INPP5B: variants seen among roughly 807,000 people sequenced by gnomAD.
INPP5B encodes the protein type II inositol 1,4,5-trisphosphate 5-phosphatase.
INPP5B carries 90 observed loss-of-function variants against 118.5 expected under a neutral mutation model. The ratio of observed to expected loss-of-function variants is 0.76; its 90% CI spans 0.64 to 0.90. The LOEUF (loss-of-function observed/expected upper bound fraction) is 0.90. Ranked by LOEUF, INPP5B falls within the 40% of genes least tolerant of loss-of-function variation. The pLI, the probability that INPP5B is intolerant of heterozygous loss-of-function variation, is 0.00. For missense variants in INPP5B, 984 were observed against 1,125.6 expected (o/e 0.87, Z 1.80); for synonymous variants, 385 against 418.9 (o/e 0.92, Z 0.99).
At chr1:37,888,376 G>T in intron 9 of INPP5B, 32 bp from the exon 10 acceptor site, 1 of 1,355,242 alleles carries the variant, frequency 7.4e-7, no homozygotes, top group Non-Finnish European at 1.0e-6. Context: ...TAGTGACTCC[G>T]AATCACTATG....
intron 6 of INPP5B, 107 bp from the exon 7 acceptor site, chr1:37,932,160 AGGGT>A: frequency 7.9e-7 from 1 of 1,262,162 alleles, no homozygotes; most frequent in Non-Finnish European, 1.1e-6. Context: ...CGCGCACAGA[AGGGT>A]TCTGTGCGCA....
Position 37,880,177 on chromosome 1 carries a change from G to A in INPP5B, c.1449C>T (p.Ala483=), listed in dbSNP as rs373766336. The A allele has an allele frequency of 2.8e-4, 453 of 1,604,082 alleles. 6 individuals are homozygous for A. In the South Asian group the frequency reaches 3.9e-3, roughly 14 times the overall value. The change falls in exon 15 of 24, where the codon GCC becomes GCT. Residue 483 remains alanine (A), a synonymous_variant. Coordinates refer to ENST00000373024, the MANE Select transcript of INPP5B (RefSeq NM_005540.3). Reference sequence around the variant, plus strand: ...TGAAGCCTTCAAAGACAGTCTTTGCGGCCACCTGAATTTTCAGCTATACAA... The same window carrying A: ...TGAAGCCTTCAAAGACAGTCTTTGCAGCCACCTGAATTTTCAGCTATACAA... ...YAYDQLKIQV[A]AKTVFEGFTE...
At chr1:37,891,729 G>C (rs180671684) in intron 7 of INPP5B, among the ~76,000 whole-genome samples, 1 of 151,934 alleles carries the variant, frequency 6.6e-6, no homozygotes, top group Admixed American at 6.6e-5. Context: ...AGCCAAGATC[G>C]TGCCGTTGCA....
At chr1:37,873,354 G>A (rs1010567605) in intron 18 of INPP5B, 189 bp from the exon 19 acceptor site, 1 of 588,700 alleles carries the variant, frequency 1.7e-6, no homozygotes, top group South Asian at 2.0e-5. Flanking sequence ...TAGTCCAACT[G>A]GGAATATGAA....
intron 7 of INPP5B, among the ~76,000 whole-genome samples, chr1:37,927,163 T>C (rs962049764): frequency 1.3e-5 from 2 of 151,898 alleles, no homozygotes; most frequent in African/African-American, 4.8e-5. Context: ...GGCGTGCAGG[T>C]GCATGTATGT....
intron 6 of INPP5B, among the ~76,000 whole-genome samples, chr1:37,936,821 C>A (rs1341233421): frequency 6.6e-6 from 1 of 151,174 alleles, no homozygotes; most frequent in African/African-American, 2.4e-5. Context: ...CCCGTCTAGG[C>A]CTTCCAAACT....
intron 23 of INPP5B, 131 bp from the exon 24 acceptor site, chr1:37,862,561 C>T (rs1166110590): frequency 1.7e-5 from 11 of 662,156 alleles, no homozygotes; most frequent in African/African-American, 5.4e-5. Flanking sequence ...AACATCATAG[C>T]GTGTACTTAA....
intron 7 of INPP5B, among the ~76,000 whole-genome samples, chr1:37,921,310 G>A (rs1413407105): frequency 6.6e-6 from 1 of 152,148 alleles, no homozygotes; most frequent in African/African-American, 2.4e-5. Context: ...AAAAGGAGCT[G>A]TTTACCTAGC....
At chr1:37,865,304 T>C (rs917128158) in intron 22 of INPP5B, among the ~76,000 whole-genome samples, 12 of 152,226 alleles carry the variant, frequency 7.9e-5, no homozygotes, top group South Asian at 2.1e-4. Flanking sequence ...AGCTAGATCA[T>C]AGAACGTCTT....
chr1:37,892,478 C>T (rs1643876907), intron 7 of INPP5B, among the ~76,000 whole-genome samples: 1 of 152,158 alleles, frequency 6.6e-6, no homozygotes, highest in Non-Finnish European at 1.5e-5. Flanking sequence ...AGCCAGATCT[C>T]TTGTCAACAG....
chr1:37,891,481 T>C (rs753030850), intron 7 of INPP5B, 27 bp from the exon 8 acceptor site: 11 of 1,492,608 alleles, frequency 7.4e-6, no homozygotes, highest in Non-Finnish European at 9.3e-6. Context: ...GAAATTAAAA[T>C]ATACATACAT....
chr1:37,936,721 C>CT (rs1186118337), intron 6 of INPP5B, among the ~76,000 whole-genome samples: 7,283 of 136,100 alleles, frequency 0.054, 231 homozygotes, highest in South Asian at 0.099. Context: ...TGGAGCAGAA[C>CT]TTTTTTTTTT....
rs531417671 is a variant in INPP5B, at chr1:37,921,112, A to C, written c.532+10801T>G. On this transcript the variant is annotated intron_variant, in intron 7 of 23. Coordinates refer to ENST00000373024, the MANE Select transcript of INPP5B (RefSeq NM_005540.3). The stretch of plus-strand genomic sequence containing the variant: ...CAGAGTAAGACTCCATCTCAAAAAT[A>C]AATCAATAAATAAAAATAATAGAGA... Among the ~76,000 whole-genome samples the C allele has an allele frequency of 3.3e-5, 5 of 152,326 alleles. No homozygotes were observed. In the South Asian group the frequency reaches 1.0e-3, roughly 32 times the overall value.
At chr1:37,883,918 TTTGAC>T (rs1643362677) in intron 13 of INPP5B, 1 of 917,022 alleles carries the variant, frequency 1.1e-6, no homozygotes, top group African/African-American at 1.8e-5. Flanking sequence ...ATTCTAAGGC[TTTGAC>T]TTTAGACAAA....
chr1:37,926,525 G>A (rs947482191), intron 7 of INPP5B, among the ~76,000 whole-genome samples: 3 of 152,054 alleles, frequency 2.0e-5, no homozygotes, highest in Admixed American at 6.6e-5. Flanking sequence ...CTTGTGATCC[G>A]CCCACCTCGG....
chr1:37,868,312 C>CAAAA (rs35639791), intron 20 of INPP5B, among the ~76,000 whole-genome samples, 189 bp downstream of exon 20: 2 of 83,026 alleles, frequency 2.4e-5, no homozygotes. Context: ...AACTCTGTCT[C>CAAAA]AAAAAAAAAA....
At chr1:37,869,061 C>T (rs1389101521) in intron 19 of INPP5B, among the ~76,000 whole-genome samples, 1 of 152,110 alleles carries the variant, frequency 6.6e-6, no homozygotes, top group Non-Finnish European at 1.5e-5. Flanking sequence ...GGCACGATCT[C>T]GGCTCACTAC....
At chr1:37,889,949 G>C (rs995470214) in intron 8 of INPP5B, among the ~76,000 whole-genome samples, 1 of 152,098 alleles carries the variant, frequency 6.6e-6, no homozygotes, top group African/African-American at 2.4e-5. Flanking sequence ...CCTAATAATA[G>C]AGTCACAGAA....
At position 37,946,378 on chromosome 1, in the gene INPP5B, C is replaced by T. The variant is rs559760304; in HGVS notation, c.-26-44G>A. On this transcript the variant is annotated intron_variant, in intron 1 of 23. Transcript: ENST00000373024. The stretch of plus-strand genomic sequence containing the variant: ...GAGCCCCGCTTTGGTCAACAAGTTA[C>T]GCATGGGGTGGTGGAGCTGCCTCAG... 230 of 1,472,292 alleles carry T rather than the reference C, an allele frequency of 1.6e-4. No individual in the cohort carries two copies. In the East Asian group the frequency reaches 2.7e-3, roughly 17 times the overall value. The allele number at this position is 1,472,292 out of a possible 1,614,324, so 91.2% of individuals were successfully genotyped here.
Sources: allele counts gnomAD v4.1 joint callset (sites outside exome capture counted in the v4.1 genomes callset), GRCh38; gene constraint gnomAD v4.1.1; transcripts MANE v1.5; gene names NCBI Gene and HGNC (gene_info 2026-07-23, HGNC 2026-07-21).